The following CEACAM4 variants were observed in gnomAD, a reference collection of about 807,000 sequenced individuals.
CEACAM4 encodes the protein CEA cell adhesion molecule 4, also known as cell adhesion molecule CEACAM4.
CEACAM4 carries 30 observed loss-of-function variants against 28.7 expected under a neutral mutation model. The ratio of observed to expected loss-of-function variants is 1.05; its 90% CI spans 0.78 to 1.42. CEACAM4 has a LOEUF of 1.42. Ranked by LOEUF, CEACAM4 falls within the 40% of genes most tolerant of loss-of-function variation. The probability of loss-of-function intolerance (pLI) is 0.00; values close to 1 mark genes in which losing one functional copy is unlikely to be tolerated. For missense variants in CEACAM4, 330 were observed against 308.2 expected, an observed-to-expected ratio of 1.07 and a Z score of -0.53; for synonymous variants, 143 against 126.5, an observed-to-expected ratio of 1.13 and a Z score of -0.87.
chr19:41,616,701 A>G (rs2070989190), downstream of CEACAM4, among the ~76,000 whole-genome samples: 1 of 152,124 alleles, frequency 6.6e-6, no homozygotes, highest in Non-Finnish European at 1.5e-5. Flanking sequence ...GCATCTCCTC[A>G]AGGGCTCAGC....
Position 41,626,953 on chromosome 19 carries a change from G to A in CEACAM4, c.11C>T (p.Pro4Leu), listed in dbSNP as rs549552178. 5.7e-5 allele frequency: 92 copies of A among 1,605,130 alleles called. No homozygotes were observed. Among genetic ancestry groups the A allele is most frequent in the Non-Finnish European group, 7.6e-5 (89 of 1,175,494 alleles). The change falls in exon 1 of 7, where the codon CCC (proline) becomes CTC (leucine). Residue 4 changes from proline to leucine, a missense_variant. By Grantham distance (98) the Pro-to-Leu change is moderately conservative. Coordinates refer to ENST00000221954, the MANE Select transcript of CEACAM4 (RefSeq NM_001817.4). ...GTGCCCTCCACGGGGAGCGGCTGAG[G>A]GGGGGCCCATGGTCTCTGCTGCCTG... The part of the protein sequence containing the change: MGP[P>L]SAAPRGGHRP...
downstream of CEACAM4, among the ~76,000 whole-genome samples, chr19:41,617,174 G>A (rs1190510098): frequency 6.6e-6 from 1 of 152,134 alleles, no homozygotes; most frequent in Non-Finnish European, 1.5e-5. Flanking sequence ...TGATGTCCAT[G>A]AACTATTGAA....
At chr19:41,626,024 C>T in intron 1 of CEACAM4, 64 bp from the exon 2 acceptor site, 1 of 1,493,442 alleles carries the variant, frequency 6.7e-7, no homozygotes, top group East Asian at 2.3e-5. Context: ...AAGATAAGGC[C>T]CTGGGTCCTC....
At chr19:41,616,028 T>G (rs542017983), downstream of CEACAM4, among the ~76,000 whole-genome samples, 6 of 152,112 alleles carry the variant, frequency 3.9e-5, no homozygotes, top group Admixed American at 6.5e-5. Context: ...GTGTGGATTC[T>G]TTTTGTTTTG....
chr19:41,626,817 C>A, intron 1 of CEACAM4, 83 bp downstream of exon 1: 1 of 1,231,002 alleles, frequency 8.1e-7, no homozygotes, highest in East Asian at 2.6e-5. Context: ...CAGCCAGAAG[C>A]CCTCTATCCC....
chr19:41,617,998 A>AAAACCTGTGG (rs2071024601), downstream of CEACAM4, among the ~76,000 whole-genome samples: 4 of 92,006 alleles, frequency 4.3e-5, no homozygotes, highest in South Asian at 1.0e-3. Context: ...CTCAGGACGA[A>AAAACCTGTGG]CAACCTGTGG....
In CEACAM4 at chr19:41,619,093, A is replaced by C; in HGVS notation, c.*237T>G. ...CACAGGCCCATTCACTTTCCTTGCA[A>C]GCCCCCGCTTCCTGTGGTGATGAGA... On this transcript the variant is annotated 3_prime_UTR_variant, in exon 7 of 7. Coordinates refer to ENST00000221954, the MANE Select transcript of CEACAM4 (RefSeq NM_001817.4). The C allele has an allele frequency of 1.9e-6, 1 of 531,030 alleles. No homozygotes were observed. The highest frequency in any genetic ancestry group is 3.3e-6 in the Non-Finnish European group (1 of 301,160). 32.9% of individuals were successfully genotyped at this position (531,030 alleles called of 1,614,324 possible). A position where few individuals can be genotyped will look rare whatever the true frequency, so the allele number is the denominator to read the frequency against.
In CEACAM4 at chr19:41,619,301, C is replaced by T; in HGVS notation, c.*29G>A. The T allele has an allele frequency of 6.2e-7, 1 of 1,602,678 alleles. No individual in the cohort carries two copies. Among genetic ancestry groups the T allele is most frequent in the Non-Finnish European group, 8.5e-7 (1 of 1,169,890 alleles). On this transcript the variant is annotated 3_prime_UTR_variant, in exon 7 of 7. Transcript: ENST00000221954. Reference sequence around the variant, plus strand: ...GCTGGGAGCTTCGGGGACGCTCCATCAACCCACAAGAGCAGCTCCCAGAGG... The same window carrying T: ...GCTGGGAGCTTCGGGGACGCTCCATTAACCCACAAGAGCAGCTCCCAGAGG...
intron 2 of CEACAM4, among the ~76,000 whole-genome samples, chr19:41,622,367 T>G (rs1191598992): frequency 6.6e-6 from 1 of 152,156 alleles, no homozygotes; most frequent in Non-Finnish European, 1.5e-5. Context: ...CATGAGCCAC[T>G]GCGCCCAGTC....
At chr19:41,620,145 C>T in intron 5 of CEACAM4, 66 bp downstream of exon 5, 2 of 1,376,168 alleles carry the variant, frequency 1.5e-6, no homozygotes, top group South Asian at 1.4e-5. Flanking sequence ...GGTTGATGGT[C>T]CCCCTGCCCT....
At chr19:41,619,600 G>A in intron 6 of CEACAM4, 70 bp downstream of exon 6, 1 of 1,565,518 alleles carries the variant, frequency 6.4e-7, no homozygotes. Context: ...AGCTCAGCCA[G>A]GTGCTGGTGG....
At chr19:41,620,921 C>T (rs763942772) in intron 3 of CEACAM4, among the ~76,000 whole-genome samples, 1 of 151,882 alleles carries the variant, frequency 6.6e-6, no homozygotes, top group Non-Finnish European at 1.5e-5. Context: ...AGACCACCTG[C>T]GTTTGCCTGA....
intron 2 of CEACAM4, among the ~76,000 whole-genome samples, chr19:41,622,970 T>C (rs556397910): frequency 1.3e-5 from 2 of 152,308 alleles, no homozygotes; most frequent in South Asian, 4.1e-4. Context: ...TTCTGCACAT[T>C]GTCTATGCTT....
chr19:41,626,559 A>T (rs1043454670), intron 1 of CEACAM4, among the ~76,000 whole-genome samples: 6 of 152,164 alleles, frequency 3.9e-5, no homozygotes, highest in African/African-American at 1.2e-4. Flanking sequence ...GTTGGCTAAG[A>T]GCAGTGTTTT....
chr19:41,626,279 A>G (rs1555804179), intron 1 of CEACAM4, among the ~76,000 whole-genome samples: 1 of 151,944 alleles, frequency 6.6e-6, no homozygotes, highest in Non-Finnish European at 1.5e-5. Context: ...CCCTCCCCTG[A>G]CACCTCCTCT....
rs563941609 is a variant in CEACAM4, at chr19:41,627,041, C to T, written c.-78G>A. 38 of 1,317,302 alleles carry T rather than the reference C, an allele frequency of 2.9e-5. No individual in the cohort carries two copies. In the African/African-American group the frequency reaches 3.3e-4, roughly 12 times the overall value. 81.6% of individuals were successfully genotyped at this position (1,317,302 alleles called of 1,614,324 possible). On this transcript the variant is annotated 5_prime_UTR_variant, in exon 1 of 7. Coordinates refer to ENST00000221954, the MANE Select transcript of CEACAM4 (RefSeq NM_001817.4). ...CTCTTGTCAGAGCTGCTGTGACTGT[C>T]GGCTGTCGGGGCTGCTGACCTTCCT...
At chr19:41,618,000 A>AACCTGAGGCAGTGGCAGAACACTCTTGGG (rs2071025467), downstream of CEACAM4, among the ~76,000 whole-genome samples, 1 of 151,370 alleles carries the variant, frequency 6.6e-6, no homozygotes, top group African/African-American at 2.4e-5. Flanking sequence ...CAGGACGAAC[A>AACCTGAGGCAGTGGCAGAACACTCTTGGG]ACCTGTGGCA....
rs113425186 is a variant in CEACAM4 at position 41,626,878 on chromosome 19, T to C, written c.64+22A>G. 86 of 1,607,466 alleles carry C rather than the reference T, an allele frequency of 5.4e-5. 2 individuals carry two copies. The African/African-American group carries it at 6.0e-4, about 11-fold the overall frequency. On this transcript the variant is annotated intron_variant, in intron 1 of 6. Transcript: ENST00000221954. ...TCTCTGTGCTCCCTCTTCCCACCAC[T>C]CCCAGAGAGTCCTCCCCTCACCTGT...
At position 41,621,760 on chromosome 19, in the gene CEACAM4, C is replaced by T. The variant is rs140151631; in HGVS notation, c.433G>A (p.Val145Ile). ...TGQLHVHQNN[V>I]PGLPVGAVAG... ...ACGGCCCCCACAGGAAGGCCTGGGA[C>T]GTTGTTTTCTGCAGAAAGGGGAAGG... The change falls in exon 3 of 7, where the codon GTC becomes ATC. Residue 145 changes from valine to isoleucine, a missense_variant. Coordinates refer to ENST00000221954, the MANE Select transcript of CEACAM4 (RefSeq NM_001817.4). 7.4e-5 allele frequency: 118 copies of T among 1,603,742 alleles called. 1 individual carries two copies. The Middle Eastern group carries it at 8.3e-4, about 11-fold the overall frequency.
Sources: gnomAD v4.1 joint callset for allele counts (sites outside exome capture counted in the v4.1 genomes callset) on GRCh38, gnomAD v4.1.1 for gene constraint, MANE v1.5 for transcripts, NCBI Gene and HGNC (gene_info 2026-07-23, HGNC 2026-07-21) for gene names.